The following MTMR14 variants were observed in gnomAD, a reference collection of about 807,000 sequenced individuals.
The protein encoded by MTMR14 is myotubularin related protein 14, also known as phosphatidylinositol-3,5-bisphosphate 3-phosphatase MTMR14.
A neutral mutation model predicts 86.3 loss-of-function variants in MTMR14; 48 were observed. The observed-to-expected ratio is 0.56, with a 90% confidence interval of 0.44 to 0.71. MTMR14 has a LOEUF of 0.71. Ranked by LOEUF, MTMR14 falls within the 30% of genes least tolerant of loss-of-function variation. The pLI, the probability that MTMR14 is intolerant of heterozygous loss-of-function variation, is 0.00. For synonymous variants in MTMR14, 366 were observed against 326.1 expected, an observed-to-expected ratio of 1.12 and a Z score of -1.32; for missense variants, 780 against 834.6, an observed-to-expected ratio of 0.93 and a Z score of 0.81.
chr3:9,700,000 C>CT (rs989564793), intron 18 of MTMR14: 2 of 152,252 alleles, frequency 1.3e-5, no homozygotes, highest in Admixed American at 1.3e-4. Flanking sequence ...GCTCCATGTT[C>CT]TTAGTGCTGC....
intron 7 of MTMR14, among the ~76,000 whole-genome samples, chr3:9,675,839 T>C (rs2075551534): frequency 6.6e-6 from 1 of 152,196 alleles, no homozygotes; most frequent in African/African-American, 2.4e-5. Flanking sequence ...TGAGGGATAA[T>C]TGCTGTCTCT....
At position 9,677,355 on chromosome 3, in the gene MTMR14, A is replaced by G. The variant is rs200869904; in HGVS notation, c.790A>G (p.Met264Val). 3.7e-6 allele frequency: 6 copies of G among 1,613,944 alleles called. No homozygotes were observed. The highest frequency in any genetic ancestry group is 3.3e-5 in the Admixed American group (2 of 59,996). ...CAAGGAATATAAAGATCGGGATTACATGGCAGAAGGGCTCATATTTAACTG... is the reference window on the plus strand; with the variant it reads ...CAAGGAATATAAAGATCGGGATTACGTGGCAGAAGGGCTCATATTTAACTG... The part of the protein sequence containing the change: ...FFKEYKDRDY[M>V]AEGLIFNWKQ... Residue 264 changes from methionine (M) to valine (V), a missense_variant, in exon 8 of 19, where the codon ATG becomes GTG. Met to Val is a conservative substitution (Grantham distance 21). Transcript: ENST00000296003. This position sits in a 1 kb window ranked among gnomAD's most constrained non-coding sequence, Gnocchi z 4.2.
chr3:9,671,091 A>C lies in MTMR14; in HGVS notation c.598A>C (p.Ile200Leu). 1 of 1,614,224 alleles carries C rather than the reference A, an allele frequency of 6.2e-7. No homozygotes were observed. Residue 200 changes from isoleucine (I) to leucine (L), a missense_variant, in exon 6 of 19, where the codon ATC becomes CTC. Ile to Leu is a conservative substitution (Grantham distance 5, BLOSUM62 2). Coordinates refer to ENST00000296003, the MANE Select transcript of MTMR14 (RefSeq NM_001077525.3). ...TTTTGATAAGGTCAGAGGCTATGAC[A>C]TCAAGCTGCTTCGATACCTGTCAGT... The part of the protein sequence containing the change: ...HLFDKVRGYD[I>L]KLLRYLSVKY...
chr3:9,677,301 T>C lies in MTMR14; in HGVS notation c.752-16T>C, dbSNP rs2075615670. 6.2e-7 allele frequency: 1 copy of C among 1,612,350 alleles called. No individual in the cohort carries two copies. The highest frequency in any genetic ancestry group is 1.3e-5 in the African/African-American group (1 of 74,906). Reference sequence around the variant, plus strand: ...GCTGGGAAGGGAGATGTCATAACTCTGCCCTTCTTTTCCAGGCTGTGAATT... The same window carrying C: ...GCTGGGAAGGGAGATGTCATAACTCCGCCCTTCTTTTCCAGGCTGTGAATT... On this transcript the variant is annotated splice_polypyrimidine_tract_variant and intron_variant, in intron 7 of 18. Coordinates refer to ENST00000296003, the MANE Select transcript of MTMR14 (RefSeq NM_001077525.3). The surrounding 1 kb of genome is among the most constrained non-coding windows in gnomAD (Gnocchi z 4.2).
Position 9,671,092 on chromosome 3 carries a change from T to C in MTMR14, c.599T>C (p.Ile200Thr). The change falls in exon 6 of 19, where the codon ATC (isoleucine) becomes ACC (threonine). Residue 200 changes from isoleucine to threonine, a missense_variant. Transcript: ENST00000296003. Reference sequence around the variant, plus strand: ...TTTGATAAGGTCAGAGGCTATGACATCAAGCTGCTTCGATACCTGTCAGTC... The same window carrying C: ...TTTGATAAGGTCAGAGGCTATGACACCAAGCTGCTTCGATACCTGTCAGTC... Reference protein sequence around the residue: ...HLFDKVRGYDIKLLRYLSVKY... With the variant: ...HLFDKVRGYDTKLLRYLSVKY... 1 of 1,614,206 alleles carries C rather than the reference T, an allele frequency of 6.2e-7. No individual in the cohort carries two copies. The highest frequency in any genetic ancestry group is 8.5e-7 in the Non-Finnish European group (1 of 1,180,032).
At chr3:9,675,657 C>T (rs773726217) in intron 7 of MTMR14, 30 of 457,268 alleles carry the variant, frequency 6.6e-5, no homozygotes, top group South Asian at 4.6e-4. Context: ...GACAGTGGTT[C>T]CGAAGCCTAT....
chr3:9,657,915 A>C (rs2047707154), intron 2 of MTMR14, among the ~76,000 whole-genome samples: 2 of 152,178 alleles, frequency 1.3e-5, no homozygotes, highest in Non-Finnish European at 2.9e-5. Context: ...AAGATCACAG[A>C]GGTAGTAAGC....
chr3:9,689,712 T>C (rs1035159718), intron 16 of MTMR14, among the ~76,000 whole-genome samples: 1 of 152,218 alleles, frequency 6.6e-6, no homozygotes, highest in Non-Finnish European at 1.5e-5. Context: ...GGGCAGTGAC[T>C]GAAGAGTGAG....
In MTMR14 at chr3:9,675,080, C is replaced by T. The variant is rs143149444; in HGVS notation, c.752-2237C>T. On this transcript the variant is annotated intron_variant, in intron 7 of 18. Transcript: ENST00000296003. ...GAGCCAAGATTGTGCCATTGCACTCCAGTCTGGGCAACAAGAGGGAAACTC... is the reference window on the plus strand; with the variant it reads ...GAGCCAAGATTGTGCCATTGCACTCTAGTCTGGGCAACAAGAGGGAAACTC... Among the ~76,000 whole-genome samples the T allele has an allele frequency of 2.2e-3, 341 of 152,334 alleles. 4 individuals are homozygous for T. Among genetic ancestry groups the T allele is most frequent in the East Asian group, 0.019 (98 of 5,192 alleles).
intron 1 of MTMR14, among the ~76,000 whole-genome samples, chr3:9,650,794 T>C (rs2047236491): frequency 6.6e-6 from 1 of 151,918 alleles, no homozygotes; most frequent in South Asian, 2.1e-4. Flanking sequence ...GCTTTTTTTT[T>C]TTTTTTCTTT....
In MTMR14 at chr3:9,688,947, G is replaced by T. The variant is rs758937216; in HGVS notation, c.1298G>T (p.Arg433Leu). 1.8e-5 allele frequency: 29 copies of T among 1,613,868 alleles called. No homozygotes were observed. Among genetic ancestry groups the T allele is most frequent in the Non-Finnish European group, 2.2e-5 (26 of 1,180,022 alleles). ...TGATGGCACTGGCTTCTTTTAGGAC[G>T]AAAGGACCGTGGCAGCACCACCAGC... ...FTLEDICMLR[R>L]KDRGSTTSLG... is the part of the protein sequence containing the mutation. Residue 433 changes from arginine to leucine, a missense_variant, in exon 16 of 19, where the codon CGA becomes CTA. Physicochemically the swap from Arg to Leu is moderately radical, Grantham distance 102 (BLOSUM62 -2). Coordinates refer to ENST00000296003, the MANE Select transcript of MTMR14 (RefSeq NM_001077525.3).
At chr3:9,655,085 T>G (rs556501375) in intron 2 of MTMR14, among the ~76,000 whole-genome samples, 9 of 152,244 alleles carry the variant, frequency 5.9e-5, no homozygotes, top group Non-Finnish European at 1.2e-4. Flanking sequence ...TTACTAAGAT[T>G]ATGGATTCTC....
intron 2 of MTMR14, among the ~76,000 whole-genome samples, chr3:9,655,770 C>T (rs2124970910): frequency 6.6e-6 from 1 of 151,440 alleles, no homozygotes; most frequent in African/African-American, 2.4e-5. Context: ...CTCTTGATGT[C>T]TTAAATACAC....
chr3:9,697,628 G>A (rs982605202), intron 17 of MTMR14, 83 bp from the exon 18 acceptor site: 21 of 1,509,370 alleles, frequency 1.4e-5, no homozygotes, highest in African/African-American at 1.1e-4. Flanking sequence ...CCAGGGCTGC[G>A]CTAGTCCCCT....
intron 3 of MTMR14, among the ~76,000 whole-genome samples, chr3:9,668,215 C>T (rs1289566052): frequency 2.0e-4 from 31 of 152,222 alleles, no homozygotes; most frequent in Admixed American, 2.0e-3. Context: ...TTCCTGTCTA[C>T]ACTGAACAGT....
In MTMR14 at chr3:9,697,733, G is replaced by T. The variant is rs140767421; in HGVS notation, c.1636G>T (p.Gly546Ter). 1.2e-5 allele frequency: 19 copies of T among 1,613,952 alleles called. No homozygotes were observed. The highest frequency in any genetic ancestry group is 1.6e-5 in the Non-Finnish European group (19 of 1,179,978). Reference protein sequence around the residue: ...KPRSVDHPLPGSSLSTDYGSW... With the variant: ...KPRSVDHPLP ...CAGATCAGTGGACCATCCCCTGCCC[G>T]GATCCTCTCTCTCCACAGACTATGG... Residue 546 changes from glycine to a stop codon, truncating the protein, a stop_gained, in exon 18 of 19, where the codon GGA (glycine) becomes TGA (stop). Coordinates refer to ENST00000296003, the MANE Select transcript of MTMR14 (RefSeq NM_001077525.3). LOFTEE classifies it high-confidence loss of function.
At chr3:9,682,879 G>T (rs532864379) in intron 9 of MTMR14, among the ~76,000 whole-genome samples, 90 of 152,220 alleles carry the variant, frequency 5.9e-4, no homozygotes, top group Admixed American at 2.2e-3. Context: ...GGGGGCTCTG[G>T]GTCACCCTGG....
At position 9,688,585 on chromosome 3, in the gene MTMR14, A is replaced by G. The variant is rs976542162; in HGVS notation, c.1236-111A>G. The G allele has an allele frequency of 6.3e-6, 8 of 1,271,864 alleles. No individual in the cohort carries two copies. The African/African-American group carries it at 1.2e-4, about 19-fold the overall frequency. 78.8% of individuals were successfully genotyped at this position (1,271,864 alleles called of 1,614,324 possible). A position where few individuals can be genotyped will look rare whatever the true frequency, so the allele number is the denominator to read the frequency against. On this transcript the variant is annotated intron_variant, in intron 14 of 18. Transcript: ENST00000296003. ...ACTCCCTAGGCTAGGACCCGTCTCCACAAGTTGCCAGTGAATTGAGCTGCT... is the reference window on the plus strand; with the variant it reads ...ACTCCCTAGGCTAGGACCCGTCTCCGCAAGTTGCCAGTGAATTGAGCTGCT...
In MTMR14 at chr3:9,690,013, C is replaced by G. The variant is rs2076089247; in HGVS notation, c.1483C>G (p.Gln495Glu). 1 of 1,612,172 alleles carries G rather than the reference C, an allele frequency of 6.2e-7. No homozygotes were observed. The stretch of plus-strand genomic sequence containing the variant: ...ACAGAGTGTCCTCTGGAACCGGCCA[C>G]AACCCTCAGAGGACCGCTTGCCTTC... ...SPQSVLWNRP[Q>E]PSEDRLPSQQ... The change falls in exon 17 of 19, where the codon CAA (glutamine) becomes GAA (glutamate). Residue 495 changes from glutamine (Q) to glutamate (E), a missense_variant. Coordinates refer to ENST00000296003, the MANE Select transcript of MTMR14 (RefSeq NM_001077525.3).
Sources: allele counts gnomAD v4.1 joint callset (sites outside exome capture counted in the v4.1 genomes callset), GRCh38; gene constraint gnomAD v4.1.1; non-coding constraint Gnocchi (gnomAD v3.1); transcripts MANE v1.5; gene names NCBI Gene and HGNC (gene_info 2026-07-23, HGNC 2026-07-21).